The following CCDC68 variants were observed in gnomAD, a reference collection of about 807,000 sequenced individuals.
The protein encoded by CCDC68 is coiled-coil domain containing 68.
Under a neutral mutation model 47.1 loss-of-function variants are expected in CCDC68, and 45 were observed. The ratio of observed to expected loss-of-function variants is 0.96; its 90% CI spans 0.75 to 1.23. The LOEUF (loss-of-function observed/expected upper bound fraction) is 1.23, where lower values mean the gene tolerates loss of function less well. Among genes scored for constraint, CCDC68 ranks in the 50% most tolerant of loss-of-function variants. The probability of loss-of-function intolerance (pLI) is 0.00; values close to 1 mark genes in which losing one functional copy is unlikely to be tolerated. For missense variants in CCDC68, 353 were observed against 373.6 expected (o/e 0.94, Z 0.45); for synonymous variants, 131 against 129.5 (o/e 1.01, Z -0.08).
intron 8 of CCDC68, among the ~76,000 whole-genome samples, chr18:54,921,962 A>G: frequency 6.6e-6 from 1 of 152,208 alleles, no homozygotes; most frequent in East Asian, 1.9e-4. Flanking sequence ...AACCAAGTAA[A>G]TAAACAAGCA....
chr18:54,956,085 G>A (rs866825408), intron 1 of CCDC68, among the ~76,000 whole-genome samples: 2 of 151,938 alleles, frequency 1.3e-5, no homozygotes, highest in Non-Finnish European at 2.9e-5. Flanking sequence ...TGCCTCCCTG[G>A]TTCAAGCGAT....
chr18:54,920,449 G>A (rs933951963), intron 8 of CCDC68, among the ~76,000 whole-genome samples: 5 of 151,820 alleles, frequency 3.3e-5, no homozygotes, highest in Non-Finnish European at 5.9e-5. Flanking sequence ...CCATGTTGGC[G>A]AGGCTGGTCT....
chr18:54,923,440 T>TAAA lies in CCDC68; in HGVS notation c.684-4067_684-4065dup, dbSNP rs541934468. 7.7e-5 allele frequency among the ~76,000 whole-genome samples: 10 copies of TAAA among 130,294 alleles called. No individual in the cohort carries two copies. The South Asian group carries it at 2.2e-3, about 28-fold the overall frequency. 85.5% of individuals were successfully genotyped at this position (130,294 alleles called of 152,430 possible). On this transcript the variant is annotated intron_variant, in intron 8 of 11. Transcript: ENST00000591504. ...GTATTACCATAGCGTTCACTGTAAGTAAAAAAAAAAAAAAAATTGAAATTG... is the reference window on the plus strand; with the variant it reads ...GTATTACCATAGCGTTCACTGTAAGTAAAAAAAAAAAAAAAAAAATTGAAATTG...
chr18:54,940,555 A>G (rs1020120678), intron 4 of CCDC68, among the ~76,000 whole-genome samples: 2 of 152,194 alleles, frequency 1.3e-5, no homozygotes, highest in African/African-American at 4.8e-5. Flanking sequence ...CTAAGTGCAG[A>G]TTGCTCGACC....
chr18:54,922,100 C>T (rs2044070738), intron 8 of CCDC68, among the ~76,000 whole-genome samples: 1 of 152,102 alleles, frequency 6.6e-6, no homozygotes. Context: ...CAATACTGAG[C>T]CCTCAGTATT....
intron 10 of CCDC68, among the ~76,000 whole-genome samples, chr18:54,915,189 A>C (rs1416702775): frequency 1.3e-5 from 2 of 152,270 alleles, no homozygotes; most frequent in African/African-American, 4.8e-5. Flanking sequence ...GAGCCACAAT[A>C]GGCTGATTCG....
chr18:54,934,596 A>G (rs1355102324), intron 7 of CCDC68, among the ~76,000 whole-genome samples: 2 of 152,202 alleles, frequency 1.3e-5, no homozygotes, highest in Non-Finnish European at 2.9e-5. Context: ...TGATATGACT[A>G]CAGTATTTGC....
intron 7 of CCDC68, among the ~76,000 whole-genome samples, chr18:54,933,072 A>G (rs1283241115): frequency 6.6e-6 from 1 of 152,096 alleles, no homozygotes; most frequent in Non-Finnish European, 1.5e-5. Context: ...GGAAATAGAA[A>G]TTATCTTCCA....
At chr18:54,910,430 T>G (rs1374349012) in intron 10 of CCDC68, among the ~76,000 whole-genome samples, 1 of 152,208 alleles carries the variant, frequency 6.6e-6, no homozygotes, top group East Asian at 1.9e-4. Context: ...GGGGCTTTCA[T>G]GGCCTCAGAG....
intron 7 of CCDC68, among the ~76,000 whole-genome samples, chr18:54,933,246 T>C (rs1345203803): frequency 6.6e-6 from 1 of 152,098 alleles, no homozygotes. Flanking sequence ...CATGCCCAGC[T>C]AATTTTTGTA....
At chr18:54,956,382 A>G (rs1031323288) in intron 1 of CCDC68, among the ~76,000 whole-genome samples, 1 of 152,332 alleles carries the variant, frequency 6.6e-6, no homozygotes, top group African/African-American at 2.4e-5. Context: ...CTTGGCATTC[A>G]TATTTAAAAT....
At chr18:54,913,984 G>A (rs1291432410) in intron 10 of CCDC68, among the ~76,000 whole-genome samples, 1 of 152,168 alleles carries the variant, frequency 6.6e-6, no homozygotes, top group African/African-American at 2.4e-5. Context: ...CTTCCTCGGA[G>A]AACTTGGCAC....
rs746735319 is a variant in CCDC68, at chr18:54,934,957, A to G, written c.472-9T>C. The G allele has an allele frequency of 9.5e-6, 15 of 1,572,394 alleles. No homozygotes were observed. Among genetic ancestry groups the G allele is most frequent in the Non-Finnish European group, 1.2e-5 (14 of 1,163,570 alleles). ...TTTTCAAGCTTGTTAACCTATGGTC[A>G]GAGAATCAGTTGTGTTGTGAAAACT... On this transcript the variant is annotated splice_polypyrimidine_tract_variant and intron_variant, in intron 6 of 11. Coordinates refer to ENST00000591504, the MANE Select transcript of CCDC68 (RefSeq NM_025214.3).
chr18:54,943,395 TAAG>T (rs1358352595), intron 2 of CCDC68, among the ~76,000 whole-genome samples: 1 of 152,128 alleles, frequency 6.6e-6, no homozygotes, highest in Non-Finnish European at 1.5e-5. Context: ...ACATTTTCTA[TAAG>T]AAGGGTAGGA....
At chr18:54,906,695 T>C (rs958178405) in intron 11 of CCDC68, among the ~76,000 whole-genome samples, 1 of 152,166 alleles carries the variant, frequency 6.6e-6, no homozygotes, top group African/African-American at 2.4e-5. Context: ...CCAACTGAAG[T>C]GACTCGACTC....
intron 11 of CCDC68, among the ~76,000 whole-genome samples, chr18:54,905,387 A>T (rs1305779360): frequency 1.7e-5 from 2 of 117,534 alleles, no homozygotes; most frequent in South Asian, 6.9e-4. Flanking sequence ...AGGAGAGGGA[A>T]GAGGGGAGGG....
intron 6 of CCDC68, among the ~76,000 whole-genome samples, chr18:54,936,428 C>T (rs1347223245): frequency 6.6e-6 from 1 of 151,412 alleles, no homozygotes; most frequent in Admixed American, 6.6e-5. Context: ...TGTGTCTAGC[C>T]CAACTCTTTC....
At chr18:54,939,338 A>G (rs2044399528) in intron 4 of CCDC68, among the ~76,000 whole-genome samples, 1 of 152,210 alleles carries the variant, frequency 6.6e-6, no homozygotes, top group Non-Finnish European at 1.5e-5. Context: ...GATGGCTACA[A>G]AGATCATTGA....
intron 1 of CCDC68, among the ~76,000 whole-genome samples, chr18:54,956,920 G>C (rs1360020300): frequency 1.3e-5 from 2 of 151,838 alleles, no homozygotes; most frequent in African/African-American, 2.4e-5. Context: ...CTCCAATAAA[G>C]CTTTTTTAAA....
Sources: gnomAD v4.1 joint callset for allele counts (sites outside exome capture counted in the v4.1 genomes callset) on GRCh38, gnomAD v4.1.1 for gene constraint, MANE v1.5 for transcripts, NCBI Gene and HGNC (gene_info 2026-07-23, HGNC 2026-07-21) for gene names.